Variants in LCP2 observed in about 807,000 individuals in gnomAD.
The protein encoded by LCP2 is lymphocyte cytosolic protein 2.
LCP2 carries 29 observed loss-of-function variants against 74.5 expected under a neutral mutation model. The observed-to-expected ratio is 0.39, with a 90% confidence interval of 0.29 to 0.53. The LOEUF is 0.53. Ranked by LOEUF, LCP2 falls within the 20% of genes least tolerant of loss-of-function variation. The pLI, the probability that LCP2 is intolerant of heterozygous loss-of-function variation, is 0.72. For synonymous variants in LCP2, 228 were observed against 229.5 expected (o/e 0.99, Z 0.06); for missense variants, 604 against 634.6 (o/e 0.95, Z 0.52).
chr5:170,258,127 A>G lies in LCP2; in HGVS notation c.1010T>C (p.Met337Thr), dbSNP rs377224127. 9 of 1,613,796 alleles carry G rather than the reference A, an allele frequency of 5.6e-6. No individual in the cohort carries two copies. Among genetic ancestry groups the G allele is most frequent in the Non-Finnish European group, 7.6e-6 (9 of 1,179,770 alleles). Residue 337 changes from methionine (M) to threonine (T), a missense_variant, in exon 16 of 21, where the codon ATG becomes ACG. Physicochemically the swap from Met to Thr is moderately conservative, Grantham distance 81 (BLOSUM62 -1). Coordinates refer to ENST00000046794, the MANE Select transcript of LCP2 (RefSeq NM_005565.5). Reference sequence around the variant, plus strand: ...TCTTGAAGGGAAAGTGTTGGAGCTCATAGGAAGTAGTGCTGGCTGGGGCAA... The same window carrying G: ...TCTTGAAGGGAAAGTGTTGGAGCTCGTAGGAAGTAGTGCTGGCTGGGGCAA... ...RPLPQPALLP[M>T]SSNTFPSRST...
intron 17 of LCP2, among the ~76,000 whole-genome samples, chr5:170,254,595 AT>A (rs1262922220): frequency 6.6e-6 from 1 of 151,762 alleles, no homozygotes; most frequent in East Asian, 1.9e-4. Context: ...CCCCATCCCC[AT>A]TTTTTTTGCA....
intron 3 of LCP2, among the ~76,000 whole-genome samples, chr5:170,277,541 G>A (rs1024359905): frequency 2.0e-5 from 3 of 151,966 alleles, no homozygotes; most frequent in African/African-American, 7.3e-5. Context: ...GAGGTCAGGA[G>A]TTCGAGACCA....
At chr5:170,266,173 G>A (rs935818652) in intron 10 of LCP2, among the ~76,000 whole-genome samples, 69 of 152,306 alleles carry the variant, frequency 4.5e-4, no homozygotes, top group Middle Eastern at 3.4e-3. Flanking sequence ...ATAGCTGCAC[G>A]TGAAGGTAAC....
At chr5:170,271,267 A>C (rs1761893328) in intron 6 of LCP2, among the ~76,000 whole-genome samples, 2 of 152,192 alleles carry the variant, frequency 1.3e-5, no homozygotes, top group African/African-American at 4.8e-5. Flanking sequence ...CATCACCATG[A>C]GAAAGACTAA....
At chr5:170,280,092 C>T (rs1389699392) in intron 3 of LCP2, among the ~76,000 whole-genome samples, 8 of 152,126 alleles carry the variant, frequency 5.3e-5, no homozygotes, top group Non-Finnish European at 1.2e-4. Flanking sequence ...TACTGTGGCA[C>T]GTGTAGCTGT....
chr5:170,275,919 CT>C lies in LCP2; in HGVS notation c.189-60del, dbSNP rs1471501108. The C allele has an allele frequency of 2.7e-5, 39 of 1,441,654 alleles. No individual in the cohort carries two copies. In the East Asian group the frequency reaches 7.4e-4, roughly 27 times the overall value. 89.3% of individuals were successfully genotyped at this position (1,441,654 alleles called of 1,614,324 possible). ...CCATCACTCAGTCTCAACCTTCCCC[CT>C]GACCCTTGATATCCCCTGGTCTATA... On this transcript the variant is annotated intron_variant, in intron 3 of 20. Coordinates refer to ENST00000046794, the MANE Select transcript of LCP2 (RefSeq NM_005565.5).
At chr5:170,276,862 A>G (rs544815480) in intron 3 of LCP2, among the ~76,000 whole-genome samples, 7 of 151,906 alleles carry the variant, frequency 4.6e-5, no homozygotes, top group Non-Finnish European at 1.0e-4. Context: ...CGGATCATGA[A>G]GTCAAGAGAT....
intron 3 of LCP2, among the ~76,000 whole-genome samples, chr5:170,281,963 C>T (rs778927426): frequency 3.9e-5 from 6 of 152,196 alleles, no homozygotes; most frequent in South Asian, 2.1e-4. Flanking sequence ...CAGATTTGAA[C>T]GTGTATTCGT....
At chr5:170,279,412 G>A (rs1033304765) in intron 3 of LCP2, among the ~76,000 whole-genome samples, 5 of 152,160 alleles carry the variant, frequency 3.3e-5, no homozygotes, top group Admixed American at 6.5e-5. Context: ...CAAGGGTGGC[G>A]CCCACTGTGT....
chr5:170,253,843 G>A (rs1249550248), intron 17 of LCP2, among the ~76,000 whole-genome samples: 1 of 152,210 alleles, frequency 6.6e-6, no homozygotes, highest in Non-Finnish European at 1.5e-5. Context: ...TAATTACCCA[G>A]TGCTTGTGCC....
chr5:170,287,903 C>T lies in LCP2; in HGVS notation c.188+67G>A, dbSNP rs376388616. On this transcript the variant is annotated intron_variant, in intron 3 of 20. Coordinates refer to ENST00000046794, the MANE Select transcript of LCP2 (RefSeq NM_005565.5). ...CAATGACATAGAACTGACCCAGCCC[C>T]CACTCACACTACTCCCCATTCCCAC... The T allele has an allele frequency of 1.6e-3, 2,225 of 1,422,658 alleles. 5 individuals are homozygous for T. Among genetic ancestry groups the T allele is most frequent in the Non-Finnish European group, 2.1e-3 (2,105 of 1,006,196 alleles). The allele number at this position is 1,422,658 out of a possible 1,614,324, so 88.1% of individuals were successfully genotyped here.
chr5:170,259,092 G>A (rs572589921), intron 14 of LCP2, among the ~76,000 whole-genome samples: 1 of 152,150 alleles, frequency 6.6e-6, no homozygotes, highest in Non-Finnish European at 1.5e-5. Flanking sequence ...GGGCATTCCA[G>A]TATGAGACTC....
Position 170,266,805 on chromosome 5 carries a change from C to T in LCP2, c.772+3G>A, listed in dbSNP as rs1761765407. The T allele has an allele frequency of 5.0e-6, 8 of 1,610,938 alleles. No homozygotes were observed. The highest frequency in any genetic ancestry group is 6.8e-6 in the Non-Finnish European group (8 of 1,177,114). On this transcript the variant is annotated splice_donor_region_variant and intron_variant, in intron 10 of 20. Coordinates refer to ENST00000046794, the MANE Select transcript of LCP2 (RefSeq NM_005565.5). The stretch of plus-strand genomic sequence containing the variant: ...CTATGCATTAAATGTGAATCATACC[C>T]ACCTAGTGTGAAGGGTTCTCTATCA...
chr5:170,271,983 G>A (rs1240687320), intron 6 of LCP2, among the ~76,000 whole-genome samples: 1 of 152,146 alleles, frequency 6.6e-6, no homozygotes, highest in Non-Finnish European at 1.5e-5. Flanking sequence ...AGTGAGCATT[G>A]GGTGCCTTCC....
chr5:170,297,124 AG>A (rs1187140369), intron 1 of LCP2, among the ~76,000 whole-genome samples: 2 of 152,196 alleles, frequency 1.3e-5, no homozygotes, highest in Admixed American at 1.3e-4. Flanking sequence ...CTTTAAAACC[AG>A]ATAGGTGTGG....
intron 2 of LCP2, among the ~76,000 whole-genome samples, chr5:170,290,420 A>G (rs1762269215): frequency 6.6e-6 from 1 of 152,170 alleles, no homozygotes; most frequent in Non-Finnish European, 1.5e-5. Flanking sequence ...TCCCTTGCAG[A>G]TGGTGGAGGT....
At chr5:170,258,409 T>C (rs971848239) in intron 15 of LCP2, 2 of 397,962 alleles carry the variant, frequency 5.0e-6, no homozygotes, top group Non-Finnish European at 4.5e-6. Flanking sequence ...AAAATACACA[T>C]TGATTTTGTT....
intron 2 of LCP2, among the ~76,000 whole-genome samples, chr5:170,289,609 T>A (rs990193487): frequency 2.1e-5 from 3 of 144,858 alleles, no homozygotes; most frequent in African/African-American, 5.3e-5. Context: ...CTTTCTTTCT[T>A]TCTTTCTTTT....
At chr5:170,258,417 G>GT (rs1346130667) in intron 15 of LCP2, 1 of 385,982 alleles carries the variant, frequency 2.6e-6, no homozygotes, top group African/African-American at 2.0e-5. Flanking sequence ...CATTGATTTT[G>GT]TTTTTCATTT....
Sources: allele counts gnomAD v4.1 joint callset (sites outside exome capture counted in the v4.1 genomes callset), GRCh38; gene constraint gnomAD v4.1.1; transcripts MANE v1.5; gene names NCBI Gene and HGNC (gene_info 2026-07-23, HGNC 2026-07-21).